The following CFAP54 variants were observed in gnomAD, a reference collection of about 807,000 sequenced individuals.
CFAP54 encodes cilia- and flagella-associated protein 54.
CFAP54 carries 290 observed loss-of-function variants against 370.4 expected under a neutral mutation model. The observed-to-expected ratio is 0.78, with a 90% CI of 0.71 to 0.86. The LOEUF is 0.86. Among genes scored for constraint, CFAP54 ranks in the 40% least tolerant of loss-of-function variants. The pLI, the probability that CFAP54 is intolerant of heterozygous loss-of-function variation, is 0.00. For synonymous variants in CFAP54, 1,206 were observed against 1,236.5 expected, an observed-to-expected ratio of 0.98 and a Z score of 0.52; for missense variants, 3,399 against 3,528.7, an observed-to-expected ratio of 0.96 and a Z score of 0.93.
At position 96,860,963 on chromosome 12, in the gene CFAP54, A is replaced by G. The variant is rs1959865645; in HGVS notation, c.*14+11A>G. 2.0e-6 allele frequency: 3 copies of G among 1,494,474 alleles called. No individual in the cohort carries two copies. Among genetic ancestry groups the G allele is most frequent in the Non-Finnish European group, 2.7e-6 (3 of 1,129,750 alleles). 92.6% of individuals were successfully genotyped at this position (1,494,474 alleles called of 1,614,324 possible). ...AATATCCTATACACGGTAACCTTAT[A>G]CAGGATTTAATTGTTGTTGTTTCTC... On this transcript the variant is annotated intron_variant, in intron 67 of 67. Transcript: ENST00000524981.
chr12:96,511,463 T>G (rs569802218), intron 4 of CFAP54, among the ~76,000 whole-genome samples: 149 of 152,204 alleles, frequency 9.8e-4, no homozygotes, highest in African/African-American at 3.2e-3. Flanking sequence ...GGATTACAGG[T>G]GCATACCATC....
intron 63 of CFAP54, among the ~76,000 whole-genome samples, chr12:96,807,489 T>A (rs1335664307): frequency 1.3e-5 from 2 of 152,208 alleles, no homozygotes; most frequent in African/African-American, 2.4e-5. Flanking sequence ...AAACATAAGA[T>A]ACATTTTAAA....
At chr12:96,827,702 TATTATATATA>T (rs1227481698) in intron 65 of CFAP54, among the ~76,000 whole-genome samples, 7 of 128,620 alleles carry the variant, frequency 5.4e-5, no homozygotes, top group African/African-American at 8.7e-5. Flanking sequence ...TAATATATTA[TATTATATATA>T]ATTATATATA....
chr12:96,660,656 C>T (rs34129854), intron 38 of CFAP54, among the ~76,000 whole-genome samples: 49,010 of 152,106 alleles, frequency 0.32, 8,523 homozygotes, highest in Middle Eastern at 0.39. Context: ...GGATTTCTCC[C>T]CACCACTAAG....
At chr12:96,548,106 G>T in intron 15 of CFAP54, 128 bp downstream of exon 15, 1 of 467,140 alleles carries the variant, frequency 2.1e-6, no homozygotes. Context: ...AGGATTATAT[G>T]GCTTTATATA....
intron 13 of CFAP54, 49 bp from the exon 14 acceptor site, chr12:96,540,788 C>T (rs1770873606): frequency 8.3e-7 from 1 of 1,201,472 alleles, no homozygotes; most frequent in South Asian, 2.3e-5. Flanking sequence ...ACTGTTTCTA[C>T]AGTTTCATAT....
At chr12:96,561,483 G>T (rs925032236) in intron 17 of CFAP54, among the ~76,000 whole-genome samples, 2 of 151,988 alleles carry the variant, frequency 1.3e-5, no homozygotes, top group East Asian at 3.9e-4. Flanking sequence ...GACTAATACA[G>T]CCCCCATTAT....
chr12:96,631,106 C>A (rs1346907784), intron 32 of CFAP54, among the ~76,000 whole-genome samples: 1 of 151,314 alleles, frequency 6.6e-6, no homozygotes. Flanking sequence ...TTTTTCTATA[C>A]CTGTTTAGTG....
intron 67 of CFAP54, among the ~76,000 whole-genome samples, chr12:96,869,093 AT>A (rs1181368213): frequency 6.6e-6 from 1 of 152,156 alleles, no homozygotes; most frequent in Non-Finnish European, 1.5e-5. Flanking sequence ...CATTTATTTT[AT>A]TTTTGCAAAA....
chr12:96,794,718 C>T (rs1460635272), intron 63 of CFAP54, among the ~76,000 whole-genome samples: 1 of 152,136 alleles, frequency 6.6e-6, no homozygotes, highest in East Asian at 1.9e-4. Context: ...AATAATCAAC[C>T]TTCTGAGTTC....
intron 66 of CFAP54, 63 bp downstream of exon 66, chr12:96,829,151 A>T: frequency 1.1e-6 from 1 of 918,120 alleles, no homozygotes; most frequent in Non-Finnish European, 1.6e-6. Flanking sequence ...TATGAAATGG[A>T]AATATAGAAA....
At chr12:96,619,341 G>A (rs1250576115) in intron 26 of CFAP54, among the ~76,000 whole-genome samples, 4 of 152,112 alleles carry the variant, frequency 2.6e-5, no homozygotes, top group Admixed American at 1.3e-4. Context: ...GTGTTCATTT[G>A]ATATAAACAA....
At chr12:96,694,505 G>GCA (rs199786805) in intron 45 of CFAP54, among the ~76,000 whole-genome samples, 1,732 of 150,562 alleles carry the variant, frequency 0.012, 53 homozygotes, top group East Asian at 0.095. Flanking sequence ...ACACACACGC[G>GCA]CACACACACA....
rs1211348401 is a variant in CFAP54, at chr12:96,688,998, T to C, written c.6081+16T>C. The C allele has an allele frequency of 6.1e-6, 9 of 1,482,516 alleles. No individual in the cohort carries two copies. Among genetic ancestry groups the C allele is most frequent in the Non-Finnish European group, 8.1e-6 (9 of 1,108,454 alleles). The allele number at this position is 1,482,516 out of a possible 1,614,324, so 91.8% of individuals were successfully genotyped here. ...ACTCTTTCAGGTAACACTCTATGTA[T>C]GTATGTTTTTCCATTGTAGCACAAC... On this transcript the variant is annotated intron_variant, in intron 43 of 67. Coordinates refer to ENST00000524981, the MANE Select transcript of CFAP54 (RefSeq NM_001306084.2).
At chr12:96,499,987 A>C (rs1237652676) in intron 1 of CFAP54, among the ~76,000 whole-genome samples, 1 of 117,836 alleles carries the variant, frequency 8.5e-6, no homozygotes, top group Non-Finnish European at 2.0e-5. Flanking sequence ...CAAAACAAAA[A>C]AAACCGTGCG....
At chr12:96,668,348 C>G (rs1957104309) in intron 39 of CFAP54, among the ~76,000 whole-genome samples, 1 of 152,128 alleles carries the variant, frequency 6.6e-6, no homozygotes, top group Admixed American at 6.5e-5. Flanking sequence ...AAGACTTACC[C>G]AAGACTGGAT....
intron 17 of CFAP54, among the ~76,000 whole-genome samples, chr12:96,559,988 C>T (rs1955798639): frequency 6.6e-6 from 1 of 152,068 alleles, no homozygotes; most frequent in Non-Finnish European, 1.5e-5. Flanking sequence ...TATAGTTTTA[C>T]ATTTTTAATT....
intron 28 of CFAP54, among the ~76,000 whole-genome samples, chr12:96,624,672 G>A (rs1026328628): frequency 3.3e-5 from 5 of 152,280 alleles, no homozygotes; most frequent in Non-Finnish European, 4.4e-5. Flanking sequence ...AACCAAGTAC[G>A]AGGCTCTACT....
At chr12:96,585,450 G>C (rs1383734124) in intron 22 of CFAP54, among the ~76,000 whole-genome samples, 1 of 152,112 alleles carries the variant, frequency 6.6e-6, no homozygotes, top group Non-Finnish European at 1.5e-5. Flanking sequence ...TCTCCTTCAA[G>C]TCTCTGCTTA....
Sources: gnomAD v4.1 joint callset for allele counts (sites outside exome capture counted in the v4.1 genomes callset) on GRCh38, gnomAD v4.1.1 for gene constraint, MANE v1.5 for transcripts, NCBI Gene and HGNC (gene_info 2026-07-23, HGNC 2026-07-21) for gene names.